The following LRRC4C variants were observed in gnomAD, a reference collection of about 807,000 sequenced individuals.
LRRC4C encodes leucine rich repeat containing 4C, also known as leucine-rich repeat-containing protein 4C.
In LRRC4C, 5 loss-of-function variants were observed where a neutral mutation model predicts 33.6. The ratio of observed to expected loss-of-function variants is 0.15; its 90% confidence interval spans 0.08 to 0.31. LRRC4C has a LOEUF of 0.31. Ranked by LOEUF, LRRC4C falls within the 10% of genes least tolerant of loss-of-function variation. LRRC4C has a pLI of 1.00. For synonymous variants in LRRC4C, 329 were observed against 302.0 expected (o/e 1.09, Z -0.93); for missense variants, 560 against 796.7 (o/e 0.70, Z 3.58).
intron 1 of LRRC4C, among the ~76,000 whole-genome samples, chr11:41,191,793 T>C (rs1945961740): frequency 6.6e-6 from 1 of 152,136 alleles, no homozygotes; most frequent in Non-Finnish European, 1.5e-5. Context: ...AAGATATACT[T>C]GGAAAAGGGT....
intron 2 of LRRC4C, among the ~76,000 whole-genome samples, chr11:40,733,326 C>T (rs936876735): frequency 6.6e-6 from 1 of 151,962 alleles, no homozygotes; most frequent in African/African-American, 2.4e-5. Flanking sequence ...CCGCCCTCCT[C>T]GGCCTCCCAA....
At chr11:41,125,947 A>G (rs1215814194) in intron 1 of LRRC4C, among the ~76,000 whole-genome samples, 1 of 152,178 alleles carries the variant, frequency 6.6e-6, no homozygotes, top group East Asian at 1.9e-4. Context: ...GCCTTTTGTG[A>G]GCTATGTAAT....
At chr11:40,327,876 A>T (rs1166142200) in intron 3 of LRRC4C, among the ~76,000 whole-genome samples, 2 of 152,010 alleles carry the variant, frequency 1.3e-5, no homozygotes, top group African/African-American at 2.4e-5. Flanking sequence ...ACCTATAAAA[A>T]CTTTACATCA....
chr11:41,295,086 A>G (rs1565556074), intron 1 of LRRC4C, among the ~76,000 whole-genome samples: 1 of 152,184 alleles, frequency 6.6e-6, no homozygotes, highest in African/African-American at 2.4e-5. Flanking sequence ...TCATTCTGTG[A>G]TCTATCATGA....
chr11:40,189,857 A>C (rs531491714), intron 5 of LRRC4C, among the ~76,000 whole-genome samples: 1 of 152,346 alleles, frequency 6.6e-6, no homozygotes, highest in East Asian at 1.9e-4. Flanking sequence ...TTAACTTTTT[A>C]AACATACATG....
At chr11:40,791,356 C>T (rs993565010) in intron 2 of LRRC4C, among the ~76,000 whole-genome samples, 5 of 152,114 alleles carry the variant, frequency 3.3e-5, no homozygotes, top group African/African-American at 1.2e-4. Flanking sequence ...TATTTTCCCC[C>T]CACTTGTTTG....
At chr11:40,832,733 C>A (rs1033666217) in intron 2 of LRRC4C, among the ~76,000 whole-genome samples, 5 of 151,956 alleles carry the variant, frequency 3.3e-5, no homozygotes, top group African/African-American at 1.2e-4. Context: ...CAGAACTTTA[C>A]AAAAATTTTG....
intron 5 of LRRC4C, among the ~76,000 whole-genome samples, chr11:40,186,352 C>A (rs1590650573): frequency 6.6e-6 from 1 of 152,076 alleles, no homozygotes; most frequent in African/African-American, 2.4e-5. Context: ...TTTTTCCCAG[C>A]AAGGATGCCA....
chr11:41,142,274 TAGATGACCTCTACCTTC>T (rs1943540689), intron 1 of LRRC4C, among the ~76,000 whole-genome samples: 1 of 152,202 alleles, frequency 6.6e-6, no homozygotes, highest in East Asian at 1.9e-4. Context: ...TCATGGGGCA[TAGATGACCTCTACCTTC>T]AGAGAGCTTA....
At chr11:40,901,999 T>TACACACACACACACAC (rs369525560) in intron 2 of LRRC4C, among the ~76,000 whole-genome samples, 3 of 139,738 alleles carry the variant, frequency 2.1e-5, no homozygotes, top group Non-Finnish European at 4.7e-5. Context: ...TCTCTCTCTC[T>TACACACACACACACAC]ACACACACAC....
At position 40,953,846 on chromosome 11, in the gene LRRC4C, A is replaced by C. The variant is rs191363011; in HGVS notation, c.-495-20123T>G. 7.2e-4 allele frequency among the ~76,000 whole-genome samples: 109 copies of C among 152,010 alleles called. 1 individual carries two copies. Among genetic ancestry groups the C allele is most frequent in the African/African-American group, 2.6e-3 (106 of 41,528 alleles). On this transcript the variant is annotated intron_variant, in intron 1 of 6. Coordinates refer to ENST00000528697, the MANE Select transcript of LRRC4C (RefSeq NM_001258419.2). ...CCATAGCATATAGTTTTAATAATTT[A>C]AAAACACTTTCTTATATTTTTATCT...
At chr11:40,363,750 G>GC (rs537661454) in intron 3 of LRRC4C, among the ~76,000 whole-genome samples, 22 of 152,236 alleles carry the variant, frequency 1.4e-4, no homozygotes, top group African/African-American at 5.1e-4. Flanking sequence ...AAGAACACTT[G>GC]CCCGGTAATG....
intron 3 of LRRC4C, among the ~76,000 whole-genome samples, chr11:40,546,104 TC>T (rs1956910592): frequency 6.7e-6 from 1 of 149,586 alleles, no homozygotes; most frequent in Non-Finnish European, 1.5e-5. Flanking sequence ...CTTCCTTCCT[TC>T]CTTCCTTCCT....
intron 3 of LRRC4C, among the ~76,000 whole-genome samples, chr11:40,565,618 T>C (rs760329106): frequency 9.2e-5 from 14 of 152,142 alleles, no homozygotes; most frequent in Non-Finnish European, 1.8e-4. Context: ...AGTTGCGACA[T>C]CCAATTCCTC....
At chr11:41,243,633 C>A (rs1311661263) in intron 1 of LRRC4C, among the ~76,000 whole-genome samples, 1 of 152,104 alleles carries the variant, frequency 6.6e-6, no homozygotes, top group African/African-American at 2.4e-5. Flanking sequence ...ACTCCTTTTG[C>A]CCTTCTGTTT....
intron 2 of LRRC4C, among the ~76,000 whole-genome samples, chr11:40,801,835 T>C (rs900298646): frequency 6.6e-6 from 1 of 152,154 alleles, no homozygotes; most frequent in South Asian, 2.1e-4. Flanking sequence ...TTACAAATCA[T>C]GGCATGCCTG....
At chr11:40,785,729 T>G (rs553794322) in intron 2 of LRRC4C, among the ~76,000 whole-genome samples, 1 of 152,276 alleles carries the variant, frequency 6.6e-6, no homozygotes, top group African/African-American at 2.4e-5. Flanking sequence ...GGAAACAGCT[T>G]CAAATTCTAC....
intron 3 of LRRC4C, among the ~76,000 whole-genome samples, chr11:40,462,812 C>G (rs1462758479): frequency 1.3e-5 from 2 of 152,020 alleles, no homozygotes; most frequent in African/African-American, 4.8e-5. Context: ...AGATTCATCT[C>G]TTTTTTATCC....
At chr11:40,740,478 TA>T (rs200956407) in intron 2 of LRRC4C, among the ~76,000 whole-genome samples, 17 of 152,004 alleles carry the variant, frequency 1.1e-4, no homozygotes, top group East Asian at 3.9e-4. Context: ...CTTTTTCCAT[TA>T]AAAAAAGTCA....
Sources: gnomAD v4.1 joint callset for allele counts (sites outside exome capture counted in the v4.1 genomes callset) on GRCh38, gnomAD v4.1.1 for gene constraint, MANE v1.5 for transcripts, NCBI Gene and HGNC (gene_info 2026-07-23, HGNC 2026-07-21) for gene names.